The following CCR5AS variants were observed in gnomAD, a reference collection of about 807,000 sequenced individuals.
CCR5AS encodes the protein CCR5 antisense RNA.
intron 2 of CCR5AS, chr3:46,372,960 T>G: frequency 6.2e-7 from 1 of 1,612,830 alleles, no homozygotes; most frequent in Non-Finnish European, 8.5e-7. Flanking sequence ...ATCGGAGCCC[T>G]GCCAAAAAAT....
intron 2 of CCR5AS, among the ~76,000 whole-genome samples, chr3:46,388,226 T>A (rs75630441): frequency 0.19 from 29,309 of 151,898 alleles, 3,588 homozygotes; most frequent in African/African-American, 0.34. Flanking sequence ...TAATGGGTGA[T>A]GTTTCTCAGG....
At chr3:46,403,357 T>G (rs1702018748) in intron 1 of CCR5AS, among the ~76,000 whole-genome samples, 1 of 152,214 alleles carries the variant, frequency 6.6e-6, no homozygotes, top group Non-Finnish European at 1.5e-5. Context: ...TCCCCATCCC[T>G]TCCCTGAACT....
intron 2 of CCR5AS, among the ~76,000 whole-genome samples, chr3:46,383,175 G>T (rs1174136832): frequency 1.3e-5 from 2 of 152,210 alleles, no homozygotes; most frequent in Non-Finnish European, 2.9e-5. Context: ...GAAATCAACA[G>T]CATGATTTTG....
intron 1 of CCR5AS, among the ~76,000 whole-genome samples, chr3:46,401,458 G>A (rs1160537190): frequency 6.6e-6 from 1 of 152,216 alleles, no homozygotes; most frequent in East Asian, 1.9e-4. Context: ...GGAGAAGCTG[G>A]GAAAGCCATG....
intron 3 of CCR5AS, among the ~76,000 whole-genome samples, chr3:46,369,036 T>G (rs971148397): frequency 3.9e-5 from 6 of 152,234 alleles, no homozygotes; most frequent in African/African-American, 1.4e-4. Flanking sequence ...TCTATAAAAT[T>G]TTATATTAAT....
In CCR5AS at chr3:46,378,551, C is replaced by T. The variant is rs193230001; in HGVS notation, n.392-7134G>A. 3.7e-3 allele frequency among the ~76,000 whole-genome samples: 565 copies of T among 152,254 alleles called. 2 individuals carry two copies. The highest frequency in any genetic ancestry group is 5.9e-3 in the Non-Finnish European group (398 of 68,020). On this transcript the variant is annotated intron_variant and non_coding_transcript_variant, in intron 2 of 3. Coordinates refer to ENST00000451485, the Ensembl canonical transcript of CCR5AS. ...CAAGCCTTGGGTCATACTGCCCCCGCGAGGCCACATTGGCAAACCAGCAAG... is the reference window on the plus strand; with the variant it reads ...CAAGCCTTGGGTCATACTGCCCCCGTGAGGCCACATTGGCAAACCAGCAAG...
intron 3 of CCR5AS, among the ~76,000 whole-genome samples, chr3:46,366,888 A>G (rs1701605021): frequency 6.6e-6 from 1 of 152,202 alleles, no homozygotes; most frequent in African/African-American, 2.4e-5. Flanking sequence ...TAGGGACAGG[A>G]AGAGTGTACT....
At chr3:46,369,849 G>A (rs1459890502) in intron 3 of CCR5AS, among the ~76,000 whole-genome samples, 1 of 152,162 alleles carries the variant, frequency 6.6e-6, no homozygotes, top group African/African-American at 2.4e-5. Flanking sequence ...TAGCCCCTGG[G>A]TTAGTCTGCC....
At chr3:46,385,000 C>T (rs549019563) in intron 2 of CCR5AS, among the ~76,000 whole-genome samples, 79 of 152,242 alleles carry the variant, frequency 5.2e-4, no homozygotes, top group African/African-American at 1.8e-3. Flanking sequence ...GAGCAGTGGG[C>T]AGTATGGAGT....
intron 1 of CCR5AS, among the ~76,000 whole-genome samples, chr3:46,393,894 A>G (rs555482404): frequency 1.3e-5 from 2 of 152,334 alleles, no homozygotes; most frequent in South Asian, 4.1e-4. Context: ...TTTTATAACC[A>G]AACAACATTT....
intron 3 of CCR5AS, among the ~76,000 whole-genome samples, chr3:46,366,387 T>C (rs553903532): frequency 6.6e-6 from 1 of 152,308 alleles, no homozygotes; most frequent in South Asian, 2.1e-4. Flanking sequence ...TCTATTGTAT[T>C]GTTGAACTGT....
intron 2 of CCR5AS, among the ~76,000 whole-genome samples, chr3:46,378,102 C>G (rs896232619): frequency 2.6e-5 from 4 of 152,140 alleles, no homozygotes; most frequent in African/African-American, 9.7e-5. Flanking sequence ...CCACAACCCT[C>G]GGGGATAAGG....
chr3:46,388,092 T>G (rs995298892), intron 2 of CCR5AS, among the ~76,000 whole-genome samples: 1 of 152,196 alleles, frequency 6.6e-6, no homozygotes, highest in African/African-American at 2.4e-5. Context: ...TCACAGGGGA[T>G]ATGATGGCTT....
intron 1 of CCR5AS, chr3:46,393,097 A>G (rs1264195129): frequency 6.6e-6 from 1 of 152,330 alleles, no homozygotes; most frequent in African/African-American, 2.4e-5. Context: ...GGGTGGTTCT[A>G]TAGGATTTGG....
chr3:46,379,660 C>T (rs765056402), intron 2 of CCR5AS, among the ~76,000 whole-genome samples: 4 of 152,002 alleles, frequency 2.6e-5, no homozygotes, highest in East Asian at 1.9e-4. Flanking sequence ...TTTGGGAGAC[C>T]GAGGAGGGCA....
intron 1 of CCR5AS, among the ~76,000 whole-genome samples, chr3:46,394,937 G>A (rs1025530495): frequency 6.6e-6 from 1 of 152,076 alleles, no homozygotes; most frequent in Non-Finnish European, 1.5e-5. Context: ...TTCAAGATAG[G>A]GAGTAGATTC....
Position 46,385,491 on chromosome 3 carries a change from A to T in CCR5AS, n.391+7334T>A, listed in dbSNP as rs143963378. Among the ~76,000 whole-genome samples the T allele has an allele frequency of 2.8e-3, 421 of 152,288 alleles. 2 individuals are homozygous for T. The highest frequency in any genetic ancestry group is 4.4e-3 in the Admixed American group (67 of 15,294). On this transcript the variant is annotated intron_variant and non_coding_transcript_variant, in intron 2 of 3. Coordinates refer to ENST00000451485, the Ensembl canonical transcript of CCR5AS. ...CCTAGGTTTTGCCTGGAACCTCATT[A>T]TATGCTCAATAACATACCAAATCAC...
intron 1 of CCR5AS, among the ~76,000 whole-genome samples, chr3:46,395,315 C>T (rs191684139): frequency 1.1e-3 from 172 of 152,206 alleles, no homozygotes; most frequent in African/African-American, 3.0e-3. Flanking sequence ...ACACTGAACT[C>T]AGCAGAGTGA....
chr3:46,372,931 A>G (rs1351407662), intron 2 of CCR5AS: 1 of 1,601,408 alleles, frequency 6.2e-7, no homozygotes, highest in South Asian at 1.1e-5. Flanking sequence ...AGTCCAATCT[A>G]TGACATCAAT....
Sources: gnomAD v4.1 joint callset for allele counts (sites outside exome capture counted in the v4.1 genomes callset) on GRCh38, gnomAD v4.1.1 for gene constraint, MANE v1.5 for transcripts, NCBI Gene and HGNC (gene_info 2026-07-23, HGNC 2026-07-21) for gene names.